The following ZDHHC18 variants were observed in gnomAD, a reference collection of about 807,000 sequenced individuals.
The protein encoded by ZDHHC18 is zDHHC palmitoyltransferase 18, also known as palmitoyltransferase ZDHHC18.
A neutral mutation model predicts 37.5 loss-of-function variants in ZDHHC18; 23 were observed. The ratio of observed to expected loss-of-function variants is 0.61; its 90% confidence interval spans 0.44 to 0.87. The LOEUF is 0.87. Among genes scored for constraint, ZDHHC18 ranks in the 40% least tolerant of loss-of-function variants. ZDHHC18 has a pLI of 0.00. For missense variants in ZDHHC18, 406 were observed against 525.6 expected (o/e 0.77, Z 2.22); for synonymous variants, 185 against 218.7 (o/e 0.85, Z 1.36).
chr1:26,827,205 G>C, intron 1 of ZDHHC18, 66 bp downstream of exon 1: 1 of 1,220,222 alleles, frequency 8.2e-7, no homozygotes, highest in South Asian at 2.6e-5. Flanking sequence ...CCCAATCCCT[G>C]CTGGGCACTC....
intron 2 of ZDHHC18, among the ~76,000 whole-genome samples, chr1:26,835,146 A>G (rs527754509): frequency 2.5e-4 from 38 of 152,314 alleles, no homozygotes; most frequent in African/African-American, 7.7e-4. Flanking sequence ...AGAGGGAAGG[A>G]GGAGGGATGG....
In ZDHHC18 at chr1:26,826,903, G is replaced by C; in HGVS notation, c.99G>C (p.Pro33=). 1.0e-6 allele frequency: 1 copy of C among 984,968 alleles called. No individual in the cohort carries two copies. Among genetic ancestry groups the C allele is most frequent in the African/African-American group, 1.8e-5 (1 of 56,420 alleles). 61.0% of individuals were successfully genotyped at this position (984,968 alleles called of 1,614,324 possible). A position where few individuals can be genotyped will look rare whatever the true frequency, so the allele number is the denominator to read the frequency against. The part of the protein sequence containing the change: ...RRPGPAASPT[P]GPGPAPPAAP... ...CCGGCCCCGCCGCGTCCCCGACTCC[G>C]GGCCCCGGGCCCGCGCCGCCCGCCG... The change falls in exon 1 of 8, where the codon CCG becomes CCC. Residue 33 remains proline, a synonymous_variant. Transcript: ENST00000374142. This position sits in a 1 kb window ranked among gnomAD's most constrained non-coding sequence, Gnocchi z 5.2.
chr1:26,826,755 G>A lies in ZDHHC18; in HGVS notation c.-50G>A. 1.1e-6 allele frequency: 1 copy of A among 922,162 alleles called. No homozygotes were observed. Among genetic ancestry groups the A allele is most frequent in the Non-Finnish European group, 1.3e-6 (1 of 774,546 alleles). The allele number at this position is 922,162 out of a possible 1,614,324, so 57.1% of individuals were successfully genotyped here. On this transcript the variant is annotated 5_prime_UTR_variant, in exon 1 of 8. In the 5' UTR this introduces an upstream ATG that the reference lacks. Transcript: ENST00000374142. The surrounding 1 kb of genome is among the most constrained non-coding windows in gnomAD (Gnocchi z 5.2). ...CTCCGCTGCTCGGCCCGGTCCCGGA[G>A]TGGCCCGGCCGGCCCGCGGGGCGCG...
At position 26,826,816 on chromosome 1, in the gene ZDHHC18, C is replaced by T. The variant is rs2081558848; in HGVS notation, c.12C>T (p.Cys4=). The part of the protein sequence containing the change: MKD[C]EYQQISPGAA... ...CCGCGGCTGGCTGCATGAAGGACTG[C>T]GAGTACCAGCAGATCAGCCCCGGGG... Residue 4 remains cysteine, a synonymous_variant, in exon 1 of 8, where the codon TGC becomes TGT. Coordinates refer to ENST00000374142, the MANE Select transcript of ZDHHC18 (RefSeq NM_032283.3). The surrounding 1 kb of genome is among the most constrained non-coding windows in gnomAD (Gnocchi z 5.2). The T allele has an allele frequency of 1.0e-6, 1 of 981,168 alleles. No individual in the cohort carries two copies. The highest frequency in any genetic ancestry group is 1.2e-6 in the Non-Finnish European group (1 of 828,370). 60.8% of individuals were successfully genotyped at this position (981,168 alleles called of 1,614,324 possible).
chr1:26,834,158 G>T (rs2081600647), intron 2 of ZDHHC18, among the ~76,000 whole-genome samples: 1 of 152,198 alleles, frequency 6.6e-6, no homozygotes, highest in Non-Finnish European at 1.5e-5. Context: ...CAGGATTATT[G>T]TCCAGCTCAG....
chr1:26,846,191 T>C (rs1020660648), intron 2 of ZDHHC18, among the ~76,000 whole-genome samples: 1 of 130,164 alleles, frequency 7.7e-6, no homozygotes, highest in East Asian at 2.1e-4. Context: ...TATATCTATA[T>C]ACATACATAT....
rs939811504 is a variant in ZDHHC18 at position 26,856,271 on chromosome 1, G to A, written c.*2428G>A. The A allele has an allele frequency of 3.7e-5, 16 of 437,778 alleles. No homozygotes were observed. Among genetic ancestry groups the A allele is most frequent in the African/African-American group, 8.0e-5 (4 of 49,718 alleles). The allele number at this position is 437,778 out of a possible 1,614,324, so 27.1% of individuals were successfully genotyped here. A position where few individuals can be genotyped will look rare whatever the true frequency, so the allele number is the denominator to read the frequency against. On this transcript the variant is annotated 3_prime_UTR_variant, in exon 8 of 8. Coordinates refer to ENST00000374142, the MANE Select transcript of ZDHHC18 (RefSeq NM_032283.3). The surrounding 1 kb of genome is among the most constrained non-coding windows in gnomAD (Gnocchi z 5.2). ...TTGCAGAGGGTTAGCTGGTAAGACCGTTTCTTCCCTGTCGGCCAGCACTGC... is the reference window on the plus strand; with the variant it reads ...TTGCAGAGGGTTAGCTGGTAAGACCATTTCTTCCCTGTCGGCCAGCACTGC...
At chr1:26,842,277 C>G (rs1245331181) in intron 2 of ZDHHC18, among the ~76,000 whole-genome samples, 1 of 152,192 alleles carries the variant, frequency 6.6e-6, no homozygotes, top group African/African-American at 2.4e-5. Flanking sequence ...ATGCTTGGCC[C>G]TGTGAGTTAA....
At position 26,832,540 on chromosome 1, in the gene ZDHHC18, C is replaced by A. The variant is rs1408731851; in HGVS notation, c.429C>A (p.Ser143Arg). The change falls in exon 2 of 8, where the codon AGC (serine) becomes AGA (arginine). Residue 143 changes from serine (S) to arginine (R), a missense_variant. Physicochemically the swap from Ser to Arg is moderately radical, Grantham distance 110. Transcript: ENST00000374142. ...TCATGAGCTGCCTGCTGCAGACAAG[C>A]TTCACCGACCCTGGGATCCTGCCCC... Reference protein sequence around the residue: ...FFVMSCLLQTSFTDPGILPRA... With the variant: ...FFVMSCLLQTRFTDPGILPRA... The A allele has an allele frequency of 7.4e-6, 12 of 1,614,088 alleles. No homozygotes were observed. The highest frequency in any genetic ancestry group is 1.0e-5 in the Non-Finnish European group (12 of 1,180,036).
chr1:26,840,541 A>C (rs1376895675), intron 2 of ZDHHC18, among the ~76,000 whole-genome samples: 1 of 147,070 alleles, frequency 6.8e-6, no homozygotes, highest in Non-Finnish European at 1.5e-5. Context: ...CCTGGGTTCA[A>C]GCGATTCTTC....
At chr1:26,848,491 A>G (rs1013152281) in intron 2 of ZDHHC18, 117 bp from the exon 3 acceptor site, 3 of 1,343,036 alleles carry the variant, frequency 2.2e-6, no homozygotes, top group Non-Finnish European at 2.1e-6. Context: ...GTTCCTGGGA[A>G]CCTGTTACCC....
intron 1 of ZDHHC18, among the ~76,000 whole-genome samples, chr1:26,828,729 G>C (rs1485989511): frequency 6.6e-6 from 1 of 151,806 alleles, no homozygotes; most frequent in African/African-American, 2.4e-5. Context: ...TGGATAAAAA[G>C]TTCAGGGATG....
At chr1:26,833,536 C>A (rs569255560) in intron 2 of ZDHHC18, among the ~76,000 whole-genome samples, 1 of 152,062 alleles carries the variant, frequency 6.6e-6, no homozygotes, top group Admixed American at 6.5e-5. Flanking sequence ...ACAGCCTGGG[C>A]GTGTGTGAGG....
intron 2 of ZDHHC18, among the ~76,000 whole-genome samples, chr1:26,844,910 ATGGTTTTTTTTTT>A (rs1213191528): frequency 1.2e-4 from 17 of 141,676 alleles, no homozygotes; most frequent in African/African-American, 5.2e-5. Flanking sequence ...ATTTCTTTAC[ATGGTTTTTTTTTT>A]TGGTTTTTTT....
chr1:26,837,936 C>T (rs939523114), intron 2 of ZDHHC18, among the ~76,000 whole-genome samples: 6 of 151,992 alleles, frequency 3.9e-5, no homozygotes, highest in Non-Finnish European at 8.8e-5. Context: ...CCCCGCCTGC[C>T]GTGGTGAGCC....
intron 2 of ZDHHC18, among the ~76,000 whole-genome samples, chr1:26,839,953 G>C (rs1043203716): frequency 6.6e-6 from 1 of 152,216 alleles, no homozygotes; most frequent in Non-Finnish European, 1.5e-5. Context: ...CAACTCTGGC[G>C]ACTTTGATTT....
chr1:26,832,218 T>A (rs571467751), intron 1 of ZDHHC18: 1 of 557,698 alleles, frequency 1.8e-6, no homozygotes, highest in Non-Finnish European at 3.2e-6. Flanking sequence ...ACATCTGCCA[T>A]GTGCTCTGGA....
chr1:26,830,852 G>A (rs976436003), intron 1 of ZDHHC18, among the ~76,000 whole-genome samples: 2 of 152,020 alleles, frequency 1.3e-5, no homozygotes, highest in Admixed American at 6.6e-5. Flanking sequence ...GCACGATCTC[G>A]GCTCACTGCA....
At chr1:26,841,135 C>A (rs1375007115) in intron 2 of ZDHHC18, among the ~76,000 whole-genome samples, 1 of 152,048 alleles carries the variant, frequency 6.6e-6, no homozygotes, top group East Asian at 1.9e-4. Flanking sequence ...CACCACCACA[C>A]CTGGCTAATT....
Sources: gnomAD v4.1 joint callset for allele counts (sites outside exome capture counted in the v4.1 genomes callset) on GRCh38, gnomAD v4.1.1 for gene constraint, Gnocchi (gnomAD v3.1) non-coding constraint, MANE v1.5 for transcripts, NCBI Gene and HGNC (gene_info 2026-07-23, HGNC 2026-07-21) for gene names.